SLC16A7: variants seen among roughly 807,000 people sequenced by gnomAD.
SLC16A7 encodes solute carrier family 16 member 7.
A neutral mutation model predicts 34.9 loss-of-function variants in SLC16A7; 33 were observed. The observed-to-expected ratio is 0.94, with a 90% CI of 0.72 to 1.26. The LOEUF (loss-of-function observed/expected upper bound fraction) is 1.26, where lower values mean the gene tolerates loss of function less well. SLC16A7 is among the 50% of genes most tolerant of loss of function. SLC16A7 has a pLI of 0.00. For missense variants in SLC16A7, 573 were observed against 578.1 expected (o/e 0.99, Z 0.09); for synonymous variants, 201 against 206.6 (o/e 0.97, Z 0.23).
At chr12:59,681,449 A>ATTT (rs5798505) in intron 2 of SLC16A7, among the ~76,000 whole-genome samples, 2 of 149,096 alleles carry the variant, frequency 1.3e-5, no homozygotes, top group African/African-American at 4.9e-5. Flanking sequence ...TGTGCCAGCA[A>ATTT]TTTTTTTTTT....
chr12:59,705,720 G>T (rs1873487386), intron 3 of SLC16A7, among the ~76,000 whole-genome samples: 1 of 152,046 alleles, frequency 6.6e-6, no homozygotes, highest in African/African-American at 2.4e-5. Flanking sequence ...AATCTCAATA[G>T]CAGACCAGAC....
At chr12:59,658,379 GGGT>G (rs1156270227) in intron 2 of SLC16A7, among the ~76,000 whole-genome samples, 2 of 151,984 alleles carry the variant, frequency 1.3e-5, no homozygotes, top group Admixed American at 1.3e-4. Flanking sequence ...ATGGATCTTT[GGGT>G]AGCCTTGGAG....
At chr12:59,772,979 C>T (rs1882379216) in intron 4 of SLC16A7, among the ~76,000 whole-genome samples, 1 of 151,720 alleles carries the variant, frequency 6.6e-6, no homozygotes. Flanking sequence ...TGATTTCAAG[C>T]CTATGTTTGT....
At chr12:59,651,862 G>T (rs1317430842) in intron 1 of SLC16A7, among the ~76,000 whole-genome samples, 2 of 152,098 alleles carry the variant, frequency 1.3e-5, no homozygotes, top group East Asian at 3.9e-4. Context: ...AAGCAAAAAA[G>T]ATTTAAAAGA....
intron 3 of SLC16A7, among the ~76,000 whole-genome samples, chr12:59,738,870 T>A (rs1877925401): frequency 6.6e-6 from 1 of 151,700 alleles, no homozygotes; most frequent in Non-Finnish European, 1.5e-5. Flanking sequence ...AAGGTCTTCA[T>A]GTTTATAAAC....
intron 3 of SLC16A7, among the ~76,000 whole-genome samples, chr12:59,745,565 C>T (rs1878803252): frequency 6.6e-6 from 1 of 152,010 alleles, no homozygotes; most frequent in Non-Finnish European, 1.5e-5. Flanking sequence ...CAATGAATGA[C>T]AAAAAATAAT....
intron 1 of SLC16A7, among the ~76,000 whole-genome samples, chr12:59,608,093 T>A (rs1879026057): frequency 6.6e-6 from 1 of 152,228 alleles, no homozygotes; most frequent in Admixed American, 6.5e-5. Flanking sequence ...CTGCAAATTT[T>A]TATTGAATAT....
chr12:59,770,138 G>A (rs1172806798), intron 3 of SLC16A7, among the ~76,000 whole-genome samples: 2 of 152,114 alleles, frequency 1.3e-5, no homozygotes, highest in East Asian at 1.9e-4. Context: ...AGACTTAAAT[G>A]CAGATTATTT....
At chr12:59,647,486 G>A (rs1868267478) in intron 1 of SLC16A7, among the ~76,000 whole-genome samples, 2 of 152,164 alleles carry the variant, frequency 1.3e-5, no homozygotes, top group African/African-American at 2.4e-5. Context: ...GGAACTGTGA[G>A]TCAATTAAAC....
At chr12:59,748,710 A>G (rs906962039) in intron 3 of SLC16A7, among the ~76,000 whole-genome samples, 1 of 152,148 alleles carries the variant, frequency 6.6e-6, no homozygotes, top group Non-Finnish European at 1.5e-5. Flanking sequence ...TTTGTTGCAG[A>G]CTCTGCCAAC....
chr12:59,706,479 G>A (rs1281995452), intron 3 of SLC16A7, among the ~76,000 whole-genome samples: 1 of 151,898 alleles, frequency 6.6e-6, no homozygotes, highest in Non-Finnish European at 1.5e-5. Flanking sequence ...ATTTGGTTAG[G>A]TTAAACATGC....
At chr12:59,685,111 G>A (rs1405676749) in intron 2 of SLC16A7, among the ~76,000 whole-genome samples, 1 of 152,026 alleles carries the variant, frequency 6.6e-6, no homozygotes, top group South Asian at 2.1e-4. Flanking sequence ...GGTTCTTTCC[G>A]GTCATCTTCC....
intron 1 of SLC16A7, among the ~76,000 whole-genome samples, chr12:59,650,993 TTC>T (rs1209317218): frequency 6.6e-6 from 1 of 152,180 alleles, no homozygotes; most frequent in Non-Finnish European, 1.5e-5. Flanking sequence ...CTATTTTTGC[TTC>T]TCTCTTACTC....
In SLC16A7 at chr12:59,781,869, A is replaced by C. The variant is rs1388435399; in HGVS notation, c.*2190A>C. 1.3e-5 allele frequency: 2 copies of C among 152,198 alleles called. No individual in the cohort carries two copies. Among genetic ancestry groups the C allele is most frequent in the East Asian group, 3.8e-4 (2 of 5,196 alleles). 9.4% of individuals were successfully genotyped at this position (152,198 alleles called of 1,614,324 possible). A position where few individuals can be genotyped will look rare whatever the true frequency, so the allele number is the denominator to read the frequency against. ...CAGATACCAGGGGGAAATAAATGGC[A>C]AAGTAATAATCATGAGGTTTTAGGT... is the stretch of plus-strand genomic sequence containing the variant. On this transcript the variant is annotated 3_prime_UTR_variant, in exon 6 of 6. Coordinates refer to ENST00000547379, the MANE Select transcript of SLC16A7 (RefSeq NM_001270623.2).
chr12:59,670,371 T>C (rs972302852), intron 2 of SLC16A7, among the ~76,000 whole-genome samples: 9 of 152,152 alleles, frequency 5.9e-5, no homozygotes, highest in Admixed American at 1.3e-4. Flanking sequence ...GGGATCTTTT[T>C]TGAGGGACAC....
chr12:59,681,960 G>A (rs1230717588), intron 2 of SLC16A7, among the ~76,000 whole-genome samples: 2 of 151,756 alleles, frequency 1.3e-5, no homozygotes, highest in Non-Finnish European at 2.9e-5. Flanking sequence ...TCATAACACA[G>A]CTTCATTCCC....
intron 2 of SLC16A7, among the ~76,000 whole-genome samples, chr12:59,704,509 TCTTAA>T (rs1465896532): frequency 6.6e-6 from 1 of 152,154 alleles, no homozygotes; most frequent in Non-Finnish European, 1.5e-5. Context: ...AGATCTAAAT[TCTTAA>T]CTTCACTTTG....
intron 1 of SLC16A7, among the ~76,000 whole-genome samples, chr12:59,620,446 T>C (rs968342420): frequency 6.6e-6 from 1 of 151,992 alleles, no homozygotes; most frequent in Non-Finnish European, 1.5e-5. Flanking sequence ...TATCAACCAA[T>C]TGACCTTGCT....
At chr12:59,648,400 TA>T (rs563127550) in intron 1 of SLC16A7, among the ~76,000 whole-genome samples, 105 of 152,320 alleles carry the variant, frequency 6.9e-4, no homozygotes, top group African/African-American at 2.5e-3. Flanking sequence ...TAGATGATAT[TA>T]ATATTTATTG....
Sources: gnomAD v4.1 joint callset for allele counts (sites outside exome capture counted in the v4.1 genomes callset) on GRCh38, gnomAD v4.1.1 for gene constraint, MANE v1.5 for transcripts, NCBI Gene and HGNC (gene_info 2026-07-23, HGNC 2026-07-21) for gene names.